The following DICER1 variants were observed in gnomAD, a reference collection of about 807,000 sequenced individuals.
DICER1 encodes dicer 1, ribonuclease III.
In DICER1, 43 loss-of-function variants were observed where a neutral mutation model predicts 194.1. The ratio of observed to expected loss-of-function variants is 0.22; its 90% CI spans 0.17 to 0.29. The LOEUF is 0.29. Among genes scored for constraint, DICER1 ranks in the 10% least tolerant of loss-of-function variants. The probability of loss-of-function intolerance (pLI) is 1.00; values close to 1 mark genes in which losing one functional copy is unlikely to be tolerated. For synonymous variants in DICER1, 832 were observed against 820.5 expected (o/e 1.01, Z -0.24); for missense variants, 1,608 against 2,317.0 (o/e 0.69, Z 6.28).
rs530064915 is a variant in DICER1, at chr14:95,099,760, ACACACACAC to A, written c.4206+11_4206+19del. Reference sequence around the variant, plus strand: ...CACACACACACACACACACACACACACACACACACACAAACTTACCATTTCATCTTTTTC... The same window carrying A: ...CACACACACACACACACACACACACAACAAACTTACCATTTCATCTTTTTC... On this transcript the variant is annotated intron_variant, in intron 22 of 26. Transcript: ENST00000343455. 6.9e-6 allele frequency: 11 copies of A among 1,589,666 alleles called. No homozygotes were observed. The African/African-American group carries it at 8.4e-5, about 12-fold the overall frequency.
chr14:95,117,435 T>C (rs776132380), intron 9 of DICER1, among the ~76,000 whole-genome samples, 187 bp downstream of exon 9: 50 of 152,220 alleles, frequency 3.3e-4, no homozygotes, highest in Non-Finnish European at 6.2e-4. Context: ...GCTATTCTAA[T>C]TCTGAGCATA....
In DICER1 at chr14:95,116,577, T is replaced by C. The variant is rs1892493932; in HGVS notation, c.1628A>G (p.Tyr543Cys). The C allele has an allele frequency of 6.2e-7, 1 of 1,614,074 alleles. No individual in the cohort carries two copies. The highest frequency in any genetic ancestry group is 2.2e-5 in the East Asian group (1 of 44,860). Residue 543 changes from tyrosine to cysteine, a missense_variant, in exon 10 of 27, where the codon TAT becomes TGT. This residue lies in a region of DICER1 where 657 missense variants were observed against 910.1 expected (regional missense o/e 0.72). Coordinates refer to ENST00000343455, the MANE Select transcript of DICER1 (RefSeq NM_177438.3). ...TCCTTTAGATTGAACATAGGATCGA[T>C]ATTCTGTGGGCAAATCAAAACGAAC... ...LVVRFDLPTEYRSYVQSKGRA... is the reference protein window; with the variant it reads ...LVVRFDLPTECRSYVQSKGRA...
chr14:95,091,526 T>A, intron 24 of DICER1, 161 bp from the exon 25 acceptor site: 1 of 664,530 alleles, frequency 1.5e-6, no homozygotes, highest in Non-Finnish European at 2.5e-6. Context: ...GTAAAACAAA[T>A]GTTATATTTT....
At chr14:95,091,727 A>C (rs1442452177) in intron 24 of DICER1, among the ~76,000 whole-genome samples, 1 of 152,230 alleles carries the variant, frequency 6.6e-6, no homozygotes, top group East Asian at 1.9e-4. Context: ...ACTTTAAAAC[A>C]GTTCTACTCC....
Position 95,090,532 on chromosome 14 carries a change from A to C in DICER1, c.5735T>G (p.Leu1912Arg). ...GGGAACCTGAGGTTGATTAGCTTTG[A>C]GGCTTCGGAGGGCTCTTCTTGCTGC... ...SAAARRALRS[L>R]KANQPQVPNS The change falls in exon 27 of 27, where the codon CTC (leucine) becomes CGC (arginine). Residue 1912 changes from leucine to arginine, a missense_variant. Leu to Arg is a moderately radical substitution (Grantham distance 102, BLOSUM62 -2). Coordinates refer to ENST00000343455, the MANE Select transcript of DICER1 (RefSeq NM_177438.3). 1 of 1,614,106 alleles carries C rather than the reference A, an allele frequency of 6.2e-7. No homozygotes were observed. The highest frequency in any genetic ancestry group is 1.1e-5 in the South Asian group (1 of 91,080).
At chr14:95,107,534 G>A in intron 17 of DICER1, 74 bp downstream of exon 17, 1 of 1,504,130 alleles carries the variant, frequency 6.6e-7, no homozygotes, top group Non-Finnish European at 9.3e-7. Context: ...GCAGGCGTGA[G>A]CCACCGTGCC....
intron 1 of DICER1, among the ~76,000 whole-genome samples, chr14:95,147,176 T>C (rs1339319636): frequency 6.6e-6 from 1 of 152,174 alleles, no homozygotes; most frequent in Non-Finnish European, 1.5e-5. Flanking sequence ...ATTGAAAACA[T>C]CCTCCCAGCC....
In DICER1 at chr14:95,088,137, T is replaced by C. The variant is rs564317468; in HGVS notation, c.*2361A>G. Reference sequence around the variant, plus strand: ...TCTACTATTTTTCTCCAACAAAAAGTGAAACGGCTGAAGTTTGCTGTTGAT... The same window carrying C: ...TCTACTATTTTTCTCCAACAAAAAGCGAAACGGCTGAAGTTTGCTGTTGAT... On this transcript the variant is annotated 3_prime_UTR_variant, in exon 27 of 27. Transcript: ENST00000343455. 8.6e-6 allele frequency: 2 copies of C among 232,900 alleles called. No homozygotes were observed. The highest frequency in any genetic ancestry group is 4.4e-5 in the African/African-American group (2 of 45,406). 14.4% of individuals were successfully genotyped at this position (232,900 alleles called of 1,614,324 possible).
rs1179365233 is a variant in DICER1 at position 95,087,601 on chromosome 14, T to G, written c.*2897A>C. The G allele has an allele frequency of 4.3e-6, 1 of 233,102 alleles. No individual in the cohort carries two copies. Among genetic ancestry groups the G allele is most frequent in the African/African-American group, 2.2e-5 (1 of 45,352 alleles). 14.4% of individuals were successfully genotyped at this position (233,102 alleles called of 1,614,324 possible). Reference sequence around the variant, plus strand: ...AGGTAAAGCATGGTACCAAGTGCAATGCTTATCTGTGCTACATGAACAGAA... The same window carrying G: ...AGGTAAAGCATGGTACCAAGTGCAAGGCTTATCTGTGCTACATGAACAGAA... On this transcript the variant is annotated 3_prime_UTR_variant, in exon 27 of 27. Coordinates refer to ENST00000343455, the MANE Select transcript of DICER1 (RefSeq NM_177438.3).
intron 3 of DICER1, 67 bp downstream of exon 3, chr14:95,132,448 A>G (rs1894027354): frequency 6.6e-7 from 1 of 1,517,956 alleles, no homozygotes; most frequent in African/African-American, 1.4e-5. Flanking sequence ...AAACACAGAA[A>G]ATCTGTTTAA....
In DICER1 at chr14:95,125,119, A is replaced by G. The variant is rs532638890; in HGVS notation, c.904-451T>C. 1.1e-4 allele frequency among the ~76,000 whole-genome samples: 16 copies of G among 152,318 alleles called. No homozygotes were observed. In the Middle Eastern group the frequency reaches 0.01, roughly 97 times the overall value. Reference sequence around the variant, plus strand: ...CCACTATACTGACTAGAAACTGTGGATGAATTTTGGTCGATCTACAGTCAG... The same window carrying G: ...CCACTATACTGACTAGAAACTGTGGGTGAATTTTGGTCGATCTACAGTCAG... On this transcript the variant is annotated intron_variant, in intron 7 of 26. Transcript: ENST00000343455.
rs1019483756 is a variant in DICER1 at position 95,126,673 on chromosome 14, C to T, written c.810G>A (p.Leu270=). 4.4e-6 allele frequency: 7 copies of T among 1,597,184 alleles called. No individual in the cohort carries two copies. Among genetic ancestry groups the T allele is most frequent in the Non-Finnish European group, 6.0e-6 (7 of 1,164,890 alleles). The change falls in exon 7 of 27, where the codon CTG becomes CTA. Residue 270 remains leucine, a synonymous_variant. Transcript: ENST00000343455. ...TAAGTGCTTCTTCTAATTCCATCAG[C>T]AGTCTTTCATAAAGCCCACTTCTGT... is the stretch of plus-strand genomic sequence containing the variant. ...FTDRSGLYER[L]LMELEEALNF... is the part of the protein sequence containing the mutation.
intron 20 of DICER1, 134 bp downstream of exon 20, chr14:95,104,937 C>T (rs1181753526): frequency 4.7e-6 from 4 of 857,616 alleles, no homozygotes; most frequent in South Asian, 1.6e-5. Flanking sequence ...TGAGACTTGA[C>T]AAGACATAAG....
At position 95,132,663 on chromosome 14, in the gene DICER1, T is replaced by C. The variant is rs2140289208; in HGVS notation, c.159A>G (p.Glu53=). The C allele has an allele frequency of 7.4e-6, 12 of 1,613,988 alleles. No homozygotes were observed. The highest frequency in any genetic ancestry group is 9.3e-6 in the Non-Finnish European group (11 of 1,179,920). ...TPRKYQVELL[E]AALDHNTIVC... ...CGATGGTATTATGATCCAGAGCTGC[T>C]TCAAGCAGTTCAACCTAGAAACATG... Residue 53 remains glutamate, a synonymous_variant, in exon 3 of 27, where the codon GAA becomes GAG. Coordinates refer to ENST00000343455, the MANE Select transcript of DICER1 (RefSeq NM_177438.3).
chr14:95,145,948 G>T (rs1895104099), intron 1 of DICER1, among the ~76,000 whole-genome samples: 1 of 152,066 alleles, frequency 6.6e-6, no homozygotes, highest in Non-Finnish European at 1.5e-5. Context: ...TAAGAGCAAA[G>T]AAACACTCCC....
In DICER1 at chr14:95,088,923, T is replaced by C. The variant is rs190465278; in HGVS notation, c.*1575A>G. On this transcript the variant is annotated 3_prime_UTR_variant, in exon 27 of 27. Coordinates refer to ENST00000343455, the MANE Select transcript of DICER1 (RefSeq NM_177438.3). ...GAAATATGAGACACCTCTGCTCAGCTTTCTTAAACTTCAAGCATAATTAAC... is the reference window on the plus strand; with the variant it reads ...GAAATATGAGACACCTCTGCTCAGCCTTCTTAAACTTCAAGCATAATTAAC... 4.6e-3 allele frequency: 1,073 copies of C among 233,670 alleles called. 4 individuals are homozygous for C. Among genetic ancestry groups the C allele is most frequent in the Non-Finnish European group, 7.4e-3 (879 of 118,046 alleles). The allele number at this position is 233,670 out of a possible 1,614,324, so 14.5% of individuals were successfully genotyped here.
intron 24 of DICER1, 57 bp from the exon 25 acceptor site, chr14:95,091,422 A>T: frequency 1.1e-5 from 16 of 1,515,068 alleles, no homozygotes; most frequent in Middle Eastern, 1.7e-4. Context: ...CAGGCAGTCC[A>T]CAGATGTAGT....
At position 95,093,969 on chromosome 14, in the gene DICER1, G is replaced by C. The variant is rs1060504979; in HGVS notation, c.5283C>G (p.Val1761=). ...KYDYHKYFKA[V]SPELFHVIDD... The stretch of plus-strand genomic sequence containing the variant: ...CAATGACATGGAAGAGCTCAGGAGA[G>C]ACAGCTTTGAAGTACTTGTGGTAGT... The change falls in exon 24 of 27, where the codon GTC becomes GTG. Residue 1761 remains valine (V), a synonymous_variant. Transcript: ENST00000343455. The C allele has an allele frequency of 6.2e-7, 1 of 1,614,184 alleles. No homozygotes were observed. Among genetic ancestry groups the C allele is most frequent in the Non-Finnish European group, 8.5e-7 (1 of 1,180,024 alleles).
chr14:95,114,066 A>G lies in DICER1; in HGVS notation c.1908-842T>C, dbSNP rs538038285. On this transcript the variant is annotated intron_variant, in intron 11 of 26. Transcript: ENST00000343455. The stretch of plus-strand genomic sequence containing the variant: ...TCAACAGATAGACACTGAAACAAAT[A>G]CAGATGTAAACATGAACAAACAAAC... Among the ~76,000 whole-genome samples, 4 of 152,360 alleles carry G rather than the reference A, an allele frequency of 2.6e-5. No individual in the cohort carries two copies. The South Asian group carries it at 8.3e-4, about 32-fold the overall frequency.
Sources: gnomAD v4.1 joint callset for allele counts (sites outside exome capture counted in the v4.1 genomes callset) on GRCh38, gnomAD v4.1.1 for gene constraint, gnomAD v4.1.1 regional missense constraint, MANE v1.5 for transcripts, NCBI Gene and HGNC (gene_info 2026-07-23, HGNC 2026-07-21) for gene names.